Variants in RGS6 observed in about 807,000 individuals in gnomAD.
RGS6 encodes regulator of G-protein signaling 6.
RGS6 carries 30 observed loss-of-function variants against 78.5 expected under a neutral mutation model. The ratio of observed to expected loss-of-function variants is 0.38; its 90% CI spans 0.29 to 0.52. RGS6 has a LOEUF of 0.52. Ranked by LOEUF, RGS6 falls within the 20% of genes least tolerant of loss-of-function variation. The pLI is 0.85. For missense variants in RGS6, 495 were observed against 609.7 expected (o/e 0.81, Z 1.98); for synonymous variants, 206 against 206.0 (o/e 1.00, Z 0.00).
chr14:72,053,079 C>CCCTCCCTTCTTTCCTTCCTT lies in RGS6; in HGVS notation c.84+88207_84+88208insCCCTTCTTTCCTTCCTTCCT, dbSNP rs2093415805. On this transcript the variant is annotated intron_variant, in intron 2 of 17. Transcript: ENST00000553525. Reference sequence around the variant, plus strand: ...TCCCTCCCTCCCTCCCTCCCTCCCTCCCTTCCTTCCTTCCTTCCTTCCTTC... The same window carrying CCCTCCCTTCTTTCCTTCCTT: ...TCCCTCCCTCCCTCCCTCCCTCCCTCCCTCCCTTCTTTCCTTCCTTCCTTCCTTCCTTCCTTCCTTCCTTC... 1.2e-4 allele frequency among the ~76,000 whole-genome samples: 2 copies of CCCTCCCTTCTTTCCTTCCTT among 17,014 alleles called. 1 individual carries two copies. Among genetic ancestry groups the CCCTCCCTTCTTTCCTTCCTT allele is most frequent in the African/African-American group, 6.8e-4 (2 of 2,948 alleles). 11.2% of individuals were successfully genotyped at this position (17,014 alleles called of 152,430 possible).
At chr14:72,215,848 A>G (rs1049594288) in intron 2 of RGS6, among the ~76,000 whole-genome samples, 5 of 152,220 alleles carry the variant, frequency 3.3e-5, no homozygotes, top group African/African-American at 1.2e-4. Flanking sequence ...TGGCTAGCAG[A>G]TATTTAAGAA....
chr14:72,295,140 A>G (rs1247704711), intron 2 of RGS6, among the ~76,000 whole-genome samples: 2 of 151,168 alleles, frequency 1.3e-5, no homozygotes, highest in Non-Finnish European at 2.9e-5. Flanking sequence ...AAATACAAAA[A>G]ATTAGCCGGG....
At chr14:72,047,523 G>A (rs2092939683) in intron 2 of RGS6, among the ~76,000 whole-genome samples, 1 of 152,152 alleles carries the variant, frequency 6.6e-6, no homozygotes, top group African/African-American at 2.4e-5. Context: ...GGTTAGCCAG[G>A]CAAGTGACCG....
At chr14:72,143,744 AT>A (rs1218870298) in intron 2 of RGS6, among the ~76,000 whole-genome samples, 1 of 152,222 alleles carries the variant, frequency 6.6e-6, no homozygotes, top group Non-Finnish European at 1.5e-5. Flanking sequence ...ATTTTCAAAC[AT>A]TTTAGTCTTA....
intron 3 of RGS6, among the ~76,000 whole-genome samples, chr14:72,388,399 ATC>A (rs956927160): frequency 2.0e-5 from 3 of 152,212 alleles, no homozygotes; most frequent in Admixed American, 6.5e-5. Context: ...TGTAACCTCT[ATC>A]TATGACCTTC....
At chr14:72,619,855 A>T in the RGS6 span, 1 of 1,474,280 alleles carries the variant, frequency 6.8e-7, no homozygotes, top group Non-Finnish European at 9.1e-7. Flanking sequence ...AAGTGCTAGT[A>T]GTAGTAGTAT....
At chr14:71,948,174 A>C (rs1176324790) in intron 1 of RGS6, among the ~76,000 whole-genome samples, 1 of 151,688 alleles carries the variant, frequency 6.6e-6, no homozygotes, top group Non-Finnish European at 1.5e-5. Context: ...GAAGATGGTC[A>C]CTAATATTTC....
chr14:72,256,612 G>C (rs1594884036), intron 2 of RGS6, among the ~76,000 whole-genome samples: 1 of 152,258 alleles, frequency 6.6e-6, no homozygotes, highest in East Asian at 1.9e-4. Context: ...GTGGTTTTCA[G>C]TCCCTAAACA....
chr14:72,572,623 A>T, the RGS6 span, among the ~76,000 whole-genome samples: 7 of 152,288 alleles, frequency 4.6e-5, no homozygotes, highest in South Asian at 1.4e-3. Context: ...AAAGTAGACT[A>T]GTTGTTGCCT....
At chr14:72,114,118 A>C (rs1567231484) in intron 2 of RGS6, among the ~76,000 whole-genome samples, 1 of 152,178 alleles carries the variant, frequency 6.6e-6, no homozygotes, top group Non-Finnish European at 1.5e-5. Context: ...CAGTGTTCTC[A>C]TCTTTTCACA....
chr14:72,021,035 T>C (rs925742969), intron 2 of RGS6, among the ~76,000 whole-genome samples: 1 of 152,200 alleles, frequency 6.6e-6, no homozygotes, highest in African/African-American at 2.4e-5. Context: ...CCTTGTGTCT[T>C]GCCAACTGGG....
chr14:72,340,370 A>G (rs1159035784), intron 2 of RGS6, among the ~76,000 whole-genome samples: 1 of 152,134 alleles, frequency 6.6e-6, no homozygotes, highest in Non-Finnish European at 1.5e-5. Context: ...AATGGTAAAA[A>G]GAAGGAGGCT....
intron 2 of RGS6, among the ~76,000 whole-genome samples, chr14:72,286,844 C>A (rs997689990): frequency 6.6e-6 from 1 of 150,990 alleles, no homozygotes; most frequent in Non-Finnish European, 1.5e-5. Flanking sequence ...AGTGCAGTGG[C>A]ACAATCTCGG....
rs576662734 is a variant in RGS6 at position 72,056,122 on chromosome 14, A to G, written c.84+91247A>G. On this transcript the variant is annotated intron_variant, in intron 2 of 17. Coordinates refer to ENST00000553525, the MANE Select transcript of RGS6 (RefSeq NM_001204424.2). ...TGATTATGATGTAGGTGGTTCTAGA[A>G]TCACCTTTGGATAAAAACTGCCTCA... 2.4e-4 allele frequency among the ~76,000 whole-genome samples: 36 copies of G among 152,334 alleles called. No individual in the cohort carries two copies. The South Asian group carries it at 7.3e-3, about 31-fold the overall frequency.
At chr14:72,096,459 A>T (rs967515377) in intron 2 of RGS6, among the ~76,000 whole-genome samples, 1 of 152,186 alleles carries the variant, frequency 6.6e-6, no homozygotes, top group Non-Finnish European at 1.5e-5. Flanking sequence ...ATTGGGCTAC[A>T]AATGTCAATA....
At chr14:72,039,869 T>A (rs1278670576) in intron 2 of RGS6, among the ~76,000 whole-genome samples, 1 of 151,208 alleles carries the variant, frequency 6.6e-6, no homozygotes, top group African/African-American at 2.4e-5. Flanking sequence ...TTTTCTTTTG[T>A]ATGTCTTCTA....
At chr14:71,874,884 G>T in the RGS6 span, among the ~76,000 whole-genome samples, 1 of 152,096 alleles carries the variant, frequency 6.6e-6, no homozygotes, top group Non-Finnish European at 1.5e-5. Context: ...GGCCTTTTAC[G>T]CATCTATTGA....
the RGS6 span, among the ~76,000 whole-genome samples, chr14:72,591,845 G>A: frequency 2.2e-4 from 33 of 152,260 alleles, no homozygotes; most frequent in Middle Eastern, 6.8e-3. Context: ...ATCCTGTCCT[G>A]GCTAGCCTCA....
intron 2 of RGS6, among the ~76,000 whole-genome samples, chr14:72,291,234 A>C (rs1302228211): frequency 6.6e-6 from 1 of 151,948 alleles, no homozygotes; most frequent in African/African-American, 2.4e-5. Context: ...CGTGAGCTTC[A>C]TAGGCAAGCC....
Sources: gnomAD v4.1 joint callset for allele counts (sites outside exome capture counted in the v4.1 genomes callset) on GRCh38, gnomAD v4.1.1 for gene constraint, MANE v1.5 for transcripts, NCBI Gene and HGNC (gene_info 2026-07-23, HGNC 2026-07-21) for gene names.